KIF19: variants seen among roughly 807,000 people sequenced by gnomAD.
KIF19 encodes the protein kinesin family member 19, also known as kinesin-like protein KIF19.
A neutral mutation model predicts 106.6 loss-of-function variants in KIF19; 98 were observed. That is an observed-to-expected ratio of 0.92 (90% CI 0.78 to 1.09). The LOEUF is 1.09. KIF19 is among the 50% of genes least tolerant of loss of function. The probability of loss-of-function intolerance (pLI) is 0.00; values close to 1 mark genes in which losing one functional copy is unlikely to be tolerated. For missense variants in KIF19, 1,373 were observed against 1,414.3 expected, an observed-to-expected ratio of 0.97 and a Z score of 0.47; for synonymous variants, 516 against 584.2, an observed-to-expected ratio of 0.88 and a Z score of 1.68.
rs565539235 is a variant in KIF19, at chr17:74,338,206, C to T, written c.121-3670C>T. 2.0e-5 allele frequency among the ~76,000 whole-genome samples: 3 copies of T among 152,240 alleles called. No individual in the cohort carries two copies. The East Asian group carries it at 5.8e-4, about 29-fold the overall frequency. ...GTCCTCCCCGTGTCCACAGGAACAC[C>T]GGCATTGGGATGAGAGCGGGAGCAG... On this transcript the variant is annotated intron_variant, in intron 2 of 19. Transcript: ENST00000389916.
In KIF19 at chr17:74,355,220, C is replaced by T. The variant is rs1217155740; in HGVS notation, c.2905C>T (p.Pro969Ser). The T allele has an allele frequency of 1.2e-6, 2 of 1,612,588 alleles. No individual in the cohort carries two copies. The highest frequency in any genetic ancestry group is 1.7e-5 in the Admixed American group (1 of 59,914). The change falls in exon 20 of 20, where the codon CCA becomes TCA. Residue 969 changes from proline to serine, a missense_variant. By Grantham distance (74) the Pro-to-Ser change is moderately conservative. This residue lies in a region of KIF19 where 1,020 missense variants were observed against 1,008.2 expected (regional missense o/e 1.01). Coordinates refer to ENST00000389916, the MANE Select transcript of KIF19 (RefSeq NM_153209.4). The part of the protein sequence containing the change: ...DSSPLAVPPN[P>S]GGGSRRATRG... ...CTCACCCCTGGCTGTTCCCCCCAACCCAGGTGGTGGTTCTCGACGGGCTAC... is the reference window on the plus strand; with the variant it reads ...CTCACCCCTGGCTGTTCCCCCCAACTCAGGTGGTGGTTCTCGACGGGCTAC...
chr17:74,353,329 C>T (rs756803009), intron 16 of KIF19, 28 bp downstream of exon 16: 19 of 1,532,342 alleles, frequency 1.2e-5, no homozygotes, highest in Admixed American at 5.9e-5. Flanking sequence ...GATGGCCCCA[C>T]GAGCTCCACT....
chr17:74,340,700 C>T (rs895588344), intron 2 of KIF19, among the ~76,000 whole-genome samples: 5 of 152,226 alleles, frequency 3.3e-5, no homozygotes, highest in African/African-American at 1.2e-4. Flanking sequence ...GGCTCAGGCT[C>T]AAAGCTGCAA....
At position 74,347,804 on chromosome 17, in the gene KIF19, G is replaced by A; in HGVS notation, c.952G>A (p.Val318Met). 1 of 1,589,270 alleles carries A rather than the reference G, an allele frequency of 6.3e-7. No individual in the cohort carries two copies. Residue 318 changes from valine (V) to methionine (M), a missense_variant, in exon 9 of 20, where the codon GTG (valine) becomes ATG (methionine). Around this residue, in one of 3 missense-constraint regions of KIF19, gnomAD observed 1,020 missense variants for 1,008.2 expected, o/e 1.01. Transcript: ENST00000389916. ...KDSLGGNSRT[V>M]MIAHISPASS... ...CTCTCTGGGAGGAAACAGCCGCACA[G>A]TGATGATCGCTCACATCAGTCCTGC...
chr17:74,343,267 T>C lies in KIF19; in HGVS notation c.456+107T>C. On this transcript the variant is annotated intron_variant, in intron 5 of 19. Coordinates refer to ENST00000389916, the MANE Select transcript of KIF19 (RefSeq NM_153209.4). ...CACTGCTGCCCTCCTGCATGCCTAC[T>C]GTGAGCTCCACTTTACAAACATCGC... 10 of 1,122,068 alleles carry C rather than the reference T, an allele frequency of 8.9e-6. No homozygotes were observed. In the South Asian group the frequency reaches 1.4e-4, roughly 15 times the overall value. 69.5% of individuals were successfully genotyped at this position (1,122,068 alleles called of 1,614,324 possible).
chr17:74,344,302 T>C lies in KIF19; in HGVS notation c.536T>C (p.Ile179Thr). The C allele has an allele frequency of 6.2e-7, 1 of 1,612,824 alleles. No homozygotes were observed. Among genetic ancestry groups the C allele is most frequent in the Non-Finnish European group, 8.5e-7 (1 of 1,179,762 alleles). The part of the protein sequence containing the change: ...LELREDSKGV[I>T]QVAGITEVST... ...CTGCGGGAGGACTCTAAGGGGGTGA[T>C]CCAGGTGGCCGGCATCACCGAAGTC... The change falls in exon 6 of 20, where the codon ATC becomes ACC. Residue 179 changes from isoleucine (I) to threonine (T), a missense_variant. Transcript: ENST00000389916.
At chr17:74,350,686 C>G (rs1567918423) in intron 11 of KIF19, 21 bp from the exon 12 acceptor site, 1 of 1,613,280 alleles carries the variant, frequency 6.2e-7, no homozygotes, top group East Asian at 2.2e-5. Flanking sequence ...TGCCCTGTCT[C>G]TCTGGGTGGG....
intron 5 of KIF19, among the ~76,000 whole-genome samples, 162 bp downstream of exon 5, chr17:74,343,322 C>G (rs2054436642): frequency 6.6e-6 from 1 of 152,170 alleles, no homozygotes; most frequent in Admixed American, 6.5e-5. Context: ...GGCAACTAGG[C>G]CAATGTCACA....
intron 7 of KIF19, among the ~76,000 whole-genome samples, chr17:74,345,562 C>A (rs934865723): frequency 1.6e-4 from 24 of 152,300 alleles, no homozygotes; most frequent in Non-Finnish European, 3.2e-4. Context: ...TTGGTGGCAG[C>A]ACCACCCAGC....
rs1321543876 is a variant in KIF19, at chr17:74,346,039, C to T, written c.778-339C>T. ...CTCCCTGGAGCACCCTCTGGAGCAC[C>T]AGTGGTCCTGCCGGCTCCCAGCTGA... On this transcript the variant is annotated intron_variant, in intron 7 of 19. Coordinates refer to ENST00000389916, the MANE Select transcript of KIF19 (RefSeq NM_153209.4). The surrounding 1 kb of genome is among the most constrained non-coding windows in gnomAD (Gnocchi z 4.6). Among the ~76,000 whole-genome samples, 1 of 152,234 alleles carries T rather than the reference C, an allele frequency of 6.6e-6. No individual in the cohort carries two copies. Among genetic ancestry groups the T allele is most frequent in the Non-Finnish European group, 1.5e-5 (1 of 68,026 alleles).
At position 74,355,002 on chromosome 17, in the gene KIF19, A is replaced by G. The variant is rs919173051; in HGVS notation, c.2866+61A>G. The G allele has an allele frequency of 3.2e-6, 5 of 1,558,946 alleles. No individual in the cohort carries two copies. The African/African-American group carries it at 6.8e-5, about 21-fold the overall frequency. ...CCTCCACCAGGCAGGGGAGCAGAGA[A>G]GACACATTGCATTTCCTGCGCCTCT... On this transcript the variant is annotated intron_variant, in intron 19 of 19. Coordinates refer to ENST00000389916, the MANE Select transcript of KIF19 (RefSeq NM_153209.4).
Position 74,346,148 on chromosome 17 carries a change from C to T in KIF19, c.778-230C>T, listed in dbSNP as rs1158232920. Among the ~76,000 whole-genome samples, 2 of 152,212 alleles carry T rather than the reference C, an allele frequency of 1.3e-5. No homozygotes were observed. The highest frequency in any genetic ancestry group is 2.9e-5 in the Non-Finnish European group (2 of 68,024). ...CCACGGCACCTGCCCTGAGGAGAAC[C>T]GGCCATCTCAGCCCTCCTCAGAAGC... On this transcript the variant is annotated intron_variant, in intron 7 of 19. Coordinates refer to ENST00000389916, the MANE Select transcript of KIF19 (RefSeq NM_153209.4). This position sits in a 1 kb window ranked among gnomAD's most constrained non-coding sequence, Gnocchi z 4.6.
intron 7 of KIF19, among the ~76,000 whole-genome samples, chr17:74,345,952 C>T (rs1422203083): frequency 6.6e-6 from 1 of 152,130 alleles, no homozygotes; most frequent in Non-Finnish European, 1.5e-5. Context: ...CCTGCAGGCC[C>T]AAGAAAAGGA....
At chr17:74,341,614 A>G (rs2054375646) in intron 2 of KIF19, among the ~76,000 whole-genome samples, 1 of 152,142 alleles carries the variant, frequency 6.6e-6, no homozygotes, top group South Asian at 2.1e-4. Context: ...GCCTGACCCG[A>G]CATGGGAAAG....
At position 74,340,555 on chromosome 17, in the gene KIF19, G is replaced by A. The variant is rs200267198; in HGVS notation, c.121-1321G>A. Among the ~76,000 whole-genome samples the A allele has an allele frequency of 3.7e-3, 545 of 148,304 alleles. 17 individuals are homozygous for A. The East Asian group carries it at 0.063, about 17-fold the overall frequency. On this transcript the variant is annotated intron_variant, in intron 2 of 19. Coordinates refer to ENST00000389916, the MANE Select transcript of KIF19 (RefSeq NM_153209.4). ...CACGTGCCAGCAGGTATGCGCGCGC[G>A]TACACACACACACACACACTGCTGC...
intron 2 of KIF19, among the ~76,000 whole-genome samples, chr17:74,339,603 G>A (rs2054306298): frequency 6.7e-6 from 1 of 148,714 alleles, no homozygotes. Flanking sequence ...GGACGCATGA[G>A]ATGCCCATGC....
intron 2 of KIF19, among the ~76,000 whole-genome samples, chr17:74,340,532 C>T (rs1176097635): frequency 1.6e-5 from 2 of 123,730 alleles, no homozygotes; most frequent in East Asian, 2.6e-4. Context: ...TCTCAACACA[C>T]GTGCCAGCAG....
chr17:74,342,096 C>T (rs1297011890), intron 3 of KIF19, 110 bp downstream of exon 3: 2 of 742,492 alleles, frequency 2.7e-6, no homozygotes, highest in African/African-American at 3.5e-5. Context: ...CTCCACTCCA[C>T]CTGCTCACCC....
At position 74,331,489 on chromosome 17, in the gene KIF19, G is replaced by A. The variant is rs1377900746; in HGVS notation, c.120+2984G>A. On this transcript the variant is annotated intron_variant, in intron 2 of 19. Transcript: ENST00000389916. The surrounding 1 kb of genome is among the most constrained non-coding windows in gnomAD (Gnocchi z 4.1). ...AAGGAGATTGTGGCAACGAGGCTTG[G>A]CAGAAGGGGACATTCCCACAGGCGG... 6.6e-6 allele frequency among the ~76,000 whole-genome samples: 1 copy of A among 152,112 alleles called. No individual in the cohort carries two copies. The highest frequency in any genetic ancestry group is 1.5e-5 in the Non-Finnish European group (1 of 68,014).
Sources: allele counts gnomAD v4.1 joint callset (sites outside exome capture counted in the v4.1 genomes callset), GRCh38; gene constraint gnomAD v4.1.1; regional missense constraint gnomAD v4.1.1; non-coding constraint Gnocchi (gnomAD v3.1); transcripts MANE v1.5; gene names NCBI Gene and HGNC (gene_info 2026-07-23, HGNC 2026-07-21).